The following ZNF423 variants were observed in gnomAD, a reference collection of about 807,000 sequenced individuals.
ZNF423 encodes Ebf-associated zinc finger protein.
In ZNF423, 12 loss-of-function variants were observed where a neutral mutation model predicts 95.8. That is an observed-to-expected ratio of 0.13 (90% CI 0.08 to 0.20). The LOEUF (loss-of-function observed/expected upper bound fraction) is 0.20, where lower values mean the gene tolerates loss of function less well. Among genes scored for constraint, ZNF423 ranks in the 10% least tolerant of loss-of-function variants. ZNF423 has a pLI of 1.00. For missense variants in ZNF423, 1,316 were observed against 1,737.1 expected (o/e 0.76, Z 4.31); for synonymous variants, 749 against 711.9 (o/e 1.05, Z -0.83).
At chr16:49,633,157 GC>G (rs1432545174) in intron 4 of ZNF423, among the ~76,000 whole-genome samples, 1 of 152,186 alleles carries the variant, frequency 6.6e-6, no homozygotes, top group Non-Finnish European at 1.5e-5. Context: ...AAAGCTGGGG[GC>G]TTGAGGCAAG....
chr16:49,682,589 C>T (rs138846748), intron 3 of ZNF423, among the ~76,000 whole-genome samples: 1,544 of 152,246 alleles, frequency 0.01, 7 homozygotes, highest in Admixed American at 0.017. Flanking sequence ...GATGGGATGC[C>T]GCCCCGAGTA....
intron 1 of ZNF423, among the ~76,000 whole-genome samples, chr16:49,796,484 G>C (rs1449274054): frequency 1.3e-5 from 2 of 152,212 alleles, no homozygotes; most frequent in Admixed American, 6.5e-5. Flanking sequence ...ATGGGGTCTG[G>C]AAAAAGGGCC....
At chr16:49,646,558 A>ATTTTC (rs1973175035) in intron 3 of ZNF423, among the ~76,000 whole-genome samples, 2 of 128,904 alleles carry the variant, frequency 1.6e-5, no homozygotes, top group African/African-American at 2.8e-5. Context: ...TTTATGGCAC[A>ATTTTC]TTTTCTTTTC....
chr16:49,656,448 T>C (rs2029883230), intron 3 of ZNF423, among the ~76,000 whole-genome samples: 1 of 151,740 alleles, frequency 6.6e-6, no homozygotes, highest in Admixed American at 6.6e-5. Flanking sequence ...GGGGCAGAGG[T>C]TGCAGTGAGC....
At chr16:49,648,008 T>C (rs771103512) in intron 3 of ZNF423, among the ~76,000 whole-genome samples, 4 of 152,078 alleles carry the variant, frequency 2.6e-5, no homozygotes, top group Non-Finnish European at 5.9e-5. Flanking sequence ...AACAGATTAA[T>C]GGAAACATAG....
intron 3 of ZNF423, among the ~76,000 whole-genome samples, chr16:49,668,424 T>C (rs1042995303): frequency 6.6e-6 from 1 of 152,188 alleles, no homozygotes; most frequent in African/African-American, 2.4e-5. Context: ...CAGGTCCTCC[T>C]GGGATCTATT....
intron 3 of ZNF423, among the ~76,000 whole-genome samples, chr16:49,680,741 C>T (rs758474208): frequency 6.6e-6 from 1 of 152,234 alleles, no homozygotes; most frequent in Non-Finnish European, 1.5e-5. Context: ...TTCATGCTCA[C>T]TTGCCTCACG....
intron 5 of ZNF423, among the ~76,000 whole-genome samples, chr16:49,530,169 T>C (rs1215443208): frequency 6.6e-6 from 1 of 152,156 alleles, no homozygotes; most frequent in Non-Finnish European, 1.5e-5. Context: ...GCAGAGTCAT[T>C]ACGGGGCTTT....
chr16:49,858,133 G>A (rs1366007709), upstream of ZNF423, among the ~76,000 whole-genome samples: 2 of 152,180 alleles, frequency 1.3e-5, no homozygotes, highest in African/African-American at 4.8e-5. The surrounding 1 kb of genome is among the most constrained non-coding windows in gnomAD (Gnocchi z 4.3). Flanking sequence ...TCGATAAGTT[G>A]CCACTTGGAG....
At chr16:49,542,863 G>A (rs1969302140) in intron 5 of ZNF423, among the ~76,000 whole-genome samples, 1 of 152,220 alleles carries the variant, frequency 6.6e-6, no homozygotes, top group South Asian at 2.1e-4. Flanking sequence ...AAGGCAAGAG[G>A]AGCAGCTGAG....
intron 7 of ZNF423, among the ~76,000 whole-genome samples, chr16:49,491,796 C>T (rs1048735448): frequency 6.6e-6 from 1 of 152,160 alleles, no homozygotes; most frequent in Non-Finnish European, 1.5e-5. Context: ...GTGCAGCTCT[C>T]CGGCCAAGAA....
intron 7 of ZNF423, chr16:49,517,977 C>G (rs1021579721): frequency 2.2e-6 from 1 of 453,054 alleles, no homozygotes; most frequent in Admixed American, 2.4e-5. Context: ...GTTTTGGAAA[C>G]AAGGTACACT....
intron 1 of ZNF423, among the ~76,000 whole-genome samples, chr16:49,793,870 G>A (rs975662150): frequency 6.6e-6 from 1 of 152,170 alleles, no homozygotes; most frequent in Non-Finnish European, 1.5e-5. Context: ...TGCTAATGAA[G>A]CCCCAGCTCC....
chr16:49,585,771 C>T (rs1970811163), intron 5 of ZNF423, among the ~76,000 whole-genome samples: 1 of 152,144 alleles, frequency 6.6e-6, no homozygotes, highest in African/African-American at 2.4e-5. Context: ...ACAATGAGTG[C>T]TTATAAGGGA....
intron 7 of ZNF423, among the ~76,000 whole-genome samples, chr16:49,507,079 G>A (rs915337197): frequency 1.3e-5 from 2 of 152,136 alleles, no homozygotes; most frequent in Non-Finnish European, 2.9e-5. Flanking sequence ...CTGTCTTTCT[G>A]ACCCTAGCCA....
At chr16:49,766,710 C>T (rs1275944493) in intron 2 of ZNF423, among the ~76,000 whole-genome samples, 1 of 152,216 alleles carries the variant, frequency 6.6e-6, no homozygotes, top group Admixed American at 6.5e-5. Flanking sequence ...CTCTGCATCT[C>T]GGCAATAAAA....
At chr16:49,584,958 C>A (rs916657245) in intron 5 of ZNF423, among the ~76,000 whole-genome samples, 2 of 152,148 alleles carry the variant, frequency 1.3e-5, no homozygotes, top group African/African-American at 4.8e-5. Context: ...TGTGTCAGAT[C>A]CAGAGCCTCC....
chr16:49,680,536 GCTGT>G (rs2031307748), intron 3 of ZNF423, among the ~76,000 whole-genome samples: 2 of 152,212 alleles, frequency 1.3e-5, no homozygotes, highest in Non-Finnish European at 2.9e-5. Context: ...CCAAGCCAGG[GCTGT>G]GACACCTTCC....
chr16:49,712,705 T>C (rs769812590), intron 3 of ZNF423, among the ~76,000 whole-genome samples: 2 of 152,278 alleles, frequency 1.3e-5, no homozygotes, highest in Non-Finnish European at 2.9e-5. Flanking sequence ...AAAATAGCTT[T>C]GGTGCTCAGA....
Sources: allele counts gnomAD v4.1 joint callset (sites outside exome capture counted in the v4.1 genomes callset), GRCh38; gene constraint gnomAD v4.1.1; non-coding constraint Gnocchi (gnomAD v3.1); transcripts MANE v1.5; gene names NCBI Gene and HGNC (gene_info 2026-07-23, HGNC 2026-07-21).